CNTNAP5: variants seen among roughly 807,000 people sequenced by gnomAD.
The protein encoded by CNTNAP5 is contactin-associated protein-like 5.
Under a neutral mutation model 150.2 loss-of-function variants are expected in CNTNAP5, and 72 were observed. The observed-to-expected ratio is 0.48, with a 90% confidence interval of 0.40 to 0.58. The LOEUF (loss-of-function observed/expected upper bound fraction) is 0.58, where lower values mean the gene tolerates loss of function less well. CNTNAP5 is among the 20% of genes least tolerant of loss of function. CNTNAP5 has a pLI of 0.00. For synonymous variants in CNTNAP5, 672 were observed against 619.8 expected, an observed-to-expected ratio of 1.08 and a Z score of -1.25; for missense variants, 1,636 against 1,626.2, an observed-to-expected ratio of 1.01 and a Z score of -0.10.
intron 11 of CNTNAP5, among the ~76,000 whole-genome samples, chr2:124,571,009 G>A (rs1696140387): frequency 6.6e-6 from 1 of 152,180 alleles, no homozygotes; most frequent in Admixed American, 6.5e-5. Flanking sequence ...GTCATATGGG[G>A]CTAATGATAG....
chr2:124,248,078 C>A (rs992278071), intron 3 of CNTNAP5, among the ~76,000 whole-genome samples: 2 of 152,098 alleles, frequency 1.3e-5, no homozygotes, highest in African/African-American at 4.8e-5. Context: ...AATGCAAAAG[C>A]AAGTTATTAC....
At chr2:124,845,054 C>G (rs934231402) in intron 19 of CNTNAP5, among the ~76,000 whole-genome samples, 1 of 152,044 alleles carries the variant, frequency 6.6e-6, no homozygotes, top group Non-Finnish European at 1.5e-5. Flanking sequence ...TTGTCTTGTT[C>G]CAGTTCTCAG....
intron 3 of CNTNAP5, among the ~76,000 whole-genome samples, chr2:124,248,239 G>A (rs1418494332): frequency 1.3e-5 from 2 of 152,098 alleles, no homozygotes; most frequent in Non-Finnish European, 2.9e-5. Context: ...CCCAGGGCAG[G>A]GATATATCTA....
chr2:124,913,111 A>T (rs1026509470), intron 23 of CNTNAP5, among the ~76,000 whole-genome samples: 1 of 152,220 alleles, frequency 6.6e-6, no homozygotes, highest in Non-Finnish European at 1.5e-5. Context: ...TCTGTAAATC[A>T]TAATTCATTA....
intron 13 of CNTNAP5, among the ~76,000 whole-genome samples, chr2:124,682,082 C>T (rs115891292): frequency 5.3e-5 from 8 of 152,258 alleles, no homozygotes; most frequent in African/African-American, 1.9e-4. Flanking sequence ...TTGTGCAGGG[C>T]CTCAAGGTCA....
chr2:124,395,435 C>G (rs926638596), intron 3 of CNTNAP5, among the ~76,000 whole-genome samples: 3 of 152,024 alleles, frequency 2.0e-5, no homozygotes, highest in Non-Finnish European at 4.4e-5. Context: ...TAGGATGTGA[C>G]AAAAGACTGA....
At chr2:124,898,564 G>A (rs1024848423) in intron 21 of CNTNAP5, among the ~76,000 whole-genome samples, 2 of 151,602 alleles carry the variant, frequency 1.3e-5, no homozygotes, top group East Asian at 3.9e-4. Flanking sequence ...AGAAATAAAG[G>A]TGTTTGCAAA....
intron 11 of CNTNAP5, among the ~76,000 whole-genome samples, chr2:124,584,425 G>A (rs1388919441): frequency 1.3e-5 from 2 of 152,026 alleles, no homozygotes; most frequent in Non-Finnish European, 2.9e-5. Flanking sequence ...TCTGGAAATG[G>A]GTATCTCATA....
intron 11 of CNTNAP5, among the ~76,000 whole-genome samples, chr2:124,584,438 G>T (rs779672796): frequency 6.6e-6 from 1 of 152,122 alleles, no homozygotes; most frequent in Admixed American, 6.5e-5. Flanking sequence ...ATCTCATATT[G>T]CATTAACATA....
chr2:124,762,375 T>C (rs894114026), intron 14 of CNTNAP5, among the ~76,000 whole-genome samples: 2 of 152,154 alleles, frequency 1.3e-5, no homozygotes, highest in Admixed American at 6.6e-5. Context: ...GAAAATTTAA[T>C]TTTCTACATG....
chr2:124,648,499 A>G (rs1459121441), intron 13 of CNTNAP5, among the ~76,000 whole-genome samples: 4 of 152,300 alleles, frequency 2.6e-5, no homozygotes, highest in Middle Eastern at 3.4e-3. Flanking sequence ...TAGGGGCTTT[A>G]GGGGAAATGA....
intron 19 of CNTNAP5, among the ~76,000 whole-genome samples, chr2:124,812,976 C>G (rs1357238052): frequency 6.6e-6 from 1 of 152,192 alleles, no homozygotes; most frequent in African/African-American, 2.4e-5. Context: ...TTGGAGCTTT[C>G]TTGGCCACTT....
chr2:124,723,630 T>C (rs1680093965), intron 13 of CNTNAP5, among the ~76,000 whole-genome samples: 1 of 152,128 alleles, frequency 6.6e-6, no homozygotes, highest in South Asian at 2.1e-4. Flanking sequence ...CTCTCACAGT[T>C]CTTAAAGTTA....
chr2:124,840,355 C>A (rs1450768620), intron 19 of CNTNAP5, among the ~76,000 whole-genome samples: 1 of 152,058 alleles, frequency 6.6e-6, no homozygotes, highest in African/African-American at 2.4e-5. Context: ...AAGGGAGATC[C>A]TCTTGAATAA....
chr2:124,449,143 A>AT (rs1316669702), intron 6 of CNTNAP5, among the ~76,000 whole-genome samples: 1 of 152,218 alleles, frequency 6.6e-6, no homozygotes, highest in Non-Finnish European at 1.5e-5. Context: ...TGGATAAAAT[A>AT]TGCCATTCAT....
chr2:124,287,900 T>A (rs1573892623), intron 3 of CNTNAP5, among the ~76,000 whole-genome samples: 1 of 152,198 alleles, frequency 6.6e-6, no homozygotes, highest in Non-Finnish European at 1.5e-5. Context: ...TAATAAAGAC[T>A]ACGGATTGTA....
At position 124,471,214 on chromosome 2, in the gene CNTNAP5, T is replaced by C. The variant is rs553691100; in HGVS notation, c.919-3525T>C. On this transcript the variant is annotated intron_variant, in intron 6 of 23. Transcript: ENST00000682447. ...CTCCGTATCCATGAACATGGAATGT[T>C]TTTCCATTTGTGCTCTCTTCGATCT... Among the ~76,000 whole-genome samples the C allele has an allele frequency of 2.6e-5, 4 of 152,286 alleles. No homozygotes were observed. In the South Asian group the frequency reaches 8.3e-4, roughly 32 times the overall value.
At chr2:124,276,388 C>G (rs1445022583) in intron 3 of CNTNAP5, among the ~76,000 whole-genome samples, 1 of 152,150 alleles carries the variant, frequency 6.6e-6, no homozygotes, top group Non-Finnish European at 1.5e-5. Flanking sequence ...ATTGACTTAT[C>G]TAATTAAAGA....
intron 3 of CNTNAP5, among the ~76,000 whole-genome samples, chr2:124,405,020 G>A (rs964802262): frequency 4.3e-5 from 6 of 140,268 alleles, no homozygotes; most frequent in Non-Finnish European, 9.3e-5. Flanking sequence ...CAGTATATTA[G>A]TACTTAAGGT....
Sources: gnomAD v4.1 joint callset for allele counts (sites outside exome capture counted in the v4.1 genomes callset) on GRCh38, gnomAD v4.1.1 for gene constraint, MANE v1.5 for transcripts, NCBI Gene and HGNC (gene_info 2026-07-23, HGNC 2026-07-21) for gene names.